SCN1A: variants seen among roughly 807,000 people sequenced by gnomAD.
SCN1A encodes the protein sodium channel protein type 1 subunit alpha.
In SCN1A, 13 loss-of-function variants were observed where a neutral mutation model predicts 193.7. The ratio of observed to expected loss-of-function variants is 0.07; its 90% CI spans 0.04 to 0.11. The LOEUF (loss-of-function observed/expected upper bound fraction) is 0.11, where lower values mean the gene tolerates loss of function less well. Among genes scored for constraint, SCN1A ranks in the 10% least tolerant of loss-of-function variants. The pLI, the probability that SCN1A is intolerant of heterozygous loss-of-function variation, is 1.00. For synonymous variants in SCN1A, 781 were observed against 843.6 expected (o/e 0.93, Z 1.29); for missense variants, 1,432 against 2,451.1 (o/e 0.58, Z 8.78).
intron 21 of SCN1A, among the ~76,000 whole-genome samples, chr2:166,013,215 A>G (rs745558780): frequency 6.6e-6 from 1 of 151,530 alleles, no homozygotes; most frequent in Non-Finnish European, 1.5e-5. Context: ...TCCTTAAATG[A>G]ATCTCTTGGG....
intron 2 of SCN1A, among the ~76,000 whole-genome samples, chr2:166,110,818 A>C (rs1689215305): frequency 6.6e-6 from 1 of 152,148 alleles, no homozygotes; most frequent in East Asian, 1.9e-4. Context: ...TAATTGAATC[A>C]TGGGGGCAGG....
intron 25 of SCN1A, among the ~76,000 whole-genome samples, chr2:165,998,388 C>A (rs963329512): frequency 6.7e-6 from 1 of 150,056 alleles, no homozygotes; most frequent in African/African-American, 2.4e-5. Flanking sequence ...ATTCTAAAAT[C>A]TATTTTTATA....
At chr2:165,995,683 G>T (rs1689933119) in intron 27 of SCN1A, among the ~76,000 whole-genome samples, 1 of 151,662 alleles carries the variant, frequency 6.6e-6, no homozygotes, top group Non-Finnish European at 1.5e-5. Flanking sequence ...ATATTACTTG[G>T]CAACCATTCT....
At chr2:166,127,096 G>C (rs1268705433) in intron 1 of SCN1A, 86 bp from the exon 2 acceptor site, 4 of 152,192 alleles carry the variant, frequency 2.6e-5, no homozygotes, top group African/African-American at 9.7e-5. Context: ...GTAAAAGTAA[G>C]TCAATGTTTC....
At chr2:166,002,256 CTTTG>C (rs901973782) in intron 24 of SCN1A, among the ~76,000 whole-genome samples, 4 of 151,580 alleles carry the variant, frequency 2.6e-5, no homozygotes, top group African/African-American at 4.8e-5. Flanking sequence ...ACAAAGAGGT[CTTTG>C]TTTGGTCTGG....
intron 2 of SCN1A, among the ~76,000 whole-genome samples, chr2:166,105,905 G>A (rs1021938159): frequency 2.6e-5 from 4 of 152,248 alleles, no homozygotes; most frequent in African/African-American, 7.2e-5. Flanking sequence ...TACAGAAACC[G>A]GGCCGGGCGC....
Position 166,012,262 on chromosome 2 carries a change from A to G in SCN1A, c.3726T>C (p.Ile1242=), listed in dbSNP as rs760181074. ...TCGTCTTAATCGTCTTTCGCTGATC[A>G]ATATATATATCTTCAAATGCCTATA... ...SGALAFEDIY[I]DQRKTIKTML... The change falls in exon 22 of 29, where the codon ATT becomes ATC. Residue 1242 remains isoleucine (I), a synonymous_variant. Coordinates refer to ENST00000674923, the MANE Select transcript of SCN1A (RefSeq NM_001165963.4). 191 of 1,608,514 alleles carry G rather than the reference A, an allele frequency of 1.2e-4. No individual in the cohort carries two copies. The highest frequency in any genetic ancestry group is 1.6e-4 in the Non-Finnish European group (188 of 1,176,276).
rs758734319 is a variant in SCN1A at position 165,994,264 on chromosome 2, C to T, written c.4734G>A (p.Leu1578=). The T allele has an allele frequency of 6.2e-7, 1 of 1,613,120 alleles. No individual in the cohort carries two copies. Among genetic ancestry groups the T allele is most frequent in the Admixed American group, 1.7e-5 (1 of 59,870 alleles). ...YVTTILSRIN[L]VFIVLFTGEC... ...CTCCAGTAAATAGCACAATGAACACCAGATTGATGCGTGACAAAATGGTAG... is the reference window on the plus strand; with the variant it reads ...CTCCAGTAAATAGCACAATGAACACTAGATTGATGCGTGACAAAATGGTAG... The change falls in exon 28 of 29, where the codon CTG becomes CTA. Residue 1578 remains leucine, a synonymous_variant. Transcript: ENST00000674923.
intron 2 of SCN1A, among the ~76,000 whole-genome samples, chr2:166,097,268 C>G (rs773192042): frequency 3.3e-5 from 5 of 151,776 alleles, no homozygotes; most frequent in Non-Finnish European, 7.4e-5. Context: ...GCAATCTGCC[C>G]GCCTTGGCCT....
chr2:166,040,252 A>G (rs1167283535), intron 16 of SCN1A, among the ~76,000 whole-genome samples: 2 of 152,096 alleles, frequency 1.3e-5, no homozygotes, highest in Non-Finnish European at 2.9e-5. Context: ...TCTTTCCATT[A>G]TACCAAACTA....
At position 166,118,298 on chromosome 2, in the gene SCN1A, G is replaced by GCTTCTTCTTTTTTTTTTTT. The variant is rs371947861; in HGVS notation, c.-142+8625_-142+8626insAAAAAAAAAAAAGAAGAAG. Among the ~76,000 whole-genome samples, 23 of 44,696 alleles carry GCTTCTTCTTTTTTTTTTTT rather than the reference G, an allele frequency of 5.1e-4. 1 individual carries two copies. The highest frequency in any genetic ancestry group is 1.6e-3 in the African/African-American group (22 of 13,742). The allele number at this position is 44,696 out of a possible 152,430, so 29.3% of individuals were successfully genotyped here. ...TTCTTTGCTTACTGATTTCTATTTA[G>GCTTCTTCTTTTTTTTTTTT]TTTCTTTTTTTTTTTTTTTTTTTTT... On this transcript the variant is annotated intron_variant, in intron 2 of 28. Transcript: ENST00000674923.
chr2:165,995,954 G>T, intron 27 of SCN1A, 59 bp downstream of exon 27: 1 of 1,150,324 alleles, frequency 8.7e-7, no homozygotes, highest in Non-Finnish European at 1.3e-6. Context: ...TTTTTTGTGA[G>T]ACAAGCATGC....
At chr2:166,028,715 TA>T (rs1490650343) in intron 19 of SCN1A, among the ~76,000 whole-genome samples, 1 of 152,196 alleles carries the variant, frequency 6.6e-6, no homozygotes, top group Non-Finnish European at 1.5e-5. Context: ...TTGTTTGTAA[TA>T]GGTGTAATTA....
chr2:166,125,017 AAAGC>A (rs1691075449), intron 2 of SCN1A, among the ~76,000 whole-genome samples: 1 of 152,212 alleles, frequency 6.6e-6, no homozygotes, highest in Non-Finnish European at 1.5e-5. Flanking sequence ...AAAAGTTGGA[AAAGC>A]AAACTTTGGG....
At chr2:166,136,429 T>A (rs1691860911) in intron 1 of SCN1A, among the ~76,000 whole-genome samples, 1 of 151,780 alleles carries the variant, frequency 6.6e-6, no homozygotes, top group Admixed American at 6.6e-5. Context: ...TATGCATATA[T>A]ATATATGTTA....
At chr2:166,018,040 A>G (rs1449630888) in intron 19 of SCN1A, among the ~76,000 whole-genome samples, 2 of 152,114 alleles carry the variant, frequency 1.3e-5, no homozygotes, top group East Asian at 3.9e-4. Flanking sequence ...GTTTTATCCA[A>G]TTGTAAGGTG....
At chr2:166,008,744 A>G (rs1423447122) in intron 23 of SCN1A, among the ~76,000 whole-genome samples, 2 of 151,120 alleles carry the variant, frequency 1.3e-5, no homozygotes, top group Non-Finnish European at 3.0e-5. Flanking sequence ...GGAAGTCTAC[A>G]ATACAGCTTA....
intron 2 of SCN1A, among the ~76,000 whole-genome samples, chr2:166,091,283 C>T (rs1324664570): frequency 6.6e-6 from 1 of 152,108 alleles, no homozygotes; most frequent in Non-Finnish European, 1.5e-5. Flanking sequence ...ACTCACATAA[C>T]ATTAATTCTG....
At chr2:166,072,842 T>TC (rs796684693) in intron 4 of SCN1A, among the ~76,000 whole-genome samples, 130 of 123,320 alleles carry the variant, frequency 1.1e-3, no homozygotes, top group African/African-American at 6.0e-3. Context: ...TCTTTCTTTT[T>TC]TTTTTTTTTT....
Sources: allele counts gnomAD v4.1 joint callset (sites outside exome capture counted in the v4.1 genomes callset), GRCh38; gene constraint gnomAD v4.1.1; transcripts MANE v1.5; gene names NCBI Gene and HGNC (gene_info 2026-07-23, HGNC 2026-07-21).